The following ANK3 variants were observed in gnomAD, a reference collection of about 807,000 sequenced individuals.
ANK3 encodes ankyrin 3.
ANK3 carries 57 observed loss-of-function variants against 370.9 expected under a neutral mutation model. That is an observed-to-expected ratio of 0.15 (90% CI 0.12 to 0.19). ANK3 has a LOEUF of 0.19. Among genes scored for constraint, ANK3 ranks in the 10% least tolerant of loss-of-function variants. The pLI, the probability that ANK3 is intolerant of heterozygous loss-of-function variation, is 1.00. For synonymous variants in ANK3, 1,929 were observed against 1,946.3 expected, an observed-to-expected ratio of 0.99 and a Z score of 0.23; for missense variants, 4,439 against 5,302.1, an observed-to-expected ratio of 0.84 and a Z score of 5.06.
intron 23 of ANK3, among the ~76,000 whole-genome samples, chr10:60,148,183 A>G (rs1011264679): frequency 6.6e-6 from 1 of 152,180 alleles, no homozygotes; most frequent in Non-Finnish European, 1.5e-5. Flanking sequence ...CTGAAAGAAC[A>G]GCAAACTGCC....
At chr10:60,135,260 C>G (rs1470961147) in intron 24 of ANK3, among the ~76,000 whole-genome samples, 2 of 152,238 alleles carry the variant, frequency 1.3e-5, no homozygotes, top group Non-Finnish European at 2.9e-5. Flanking sequence ...CTTCCAGGAA[C>G]TGAGAGGATG....
At position 60,468,615 on chromosome 10, in the gene ANK3, G is replaced by A. The variant is rs147300051; in HGVS notation, c.96+146571C>T. Among the ~76,000 whole-genome samples the A allele has an allele frequency of 5.8e-3, 874 of 151,948 alleles. 4 individuals are homozygous for A. Among genetic ancestry groups the A allele is most frequent in the Middle Eastern group, 0.01 (3 of 294 alleles). ...CCATGATTACTGATTCATACACAAG[G>A]ATATTCTAGCCTGGTTTCCAGTCCC... On this transcript the variant is annotated intron_variant, in intron 2 of 43. Transcript: ENST00000373827.
intron 2 of ANK3, among the ~76,000 whole-genome samples, chr10:60,499,195 A>G (rs949360956): frequency 1.3e-5 from 2 of 152,200 alleles, no homozygotes; most frequent in Non-Finnish European, 2.9e-5. Flanking sequence ...GCTACTTGAC[A>G]AAAATGCATG....
At chr10:60,101,728 T>C (rs546790971) in intron 28 of ANK3, among the ~76,000 whole-genome samples, 2 of 152,338 alleles carry the variant, frequency 1.3e-5, no homozygotes, top group East Asian at 3.9e-4. Context: ...AAACCACTGA[T>C]ATTTCAGTCC....
At chr10:60,239,434 T>G (rs909746582) in intron 7 of ANK3, among the ~76,000 whole-genome samples, 4 of 151,818 alleles carry the variant, frequency 2.6e-5, no homozygotes, top group African/African-American at 9.7e-5. Context: ...AGATAATAGG[T>G]AGAGTGGCCT....
intron 2 of ANK3, among the ~76,000 whole-genome samples, chr10:60,499,524 A>G (rs947239778): frequency 7.9e-5 from 12 of 152,240 alleles, no homozygotes; most frequent in Non-Finnish European, 1.5e-4. Context: ...CATAACACCA[A>G]TTTCATTTTA....
At chr10:60,581,871 C>T (rs1000767716) in intron 2 of ANK3, among the ~76,000 whole-genome samples, 12 of 151,878 alleles carry the variant, frequency 7.9e-5, no homozygotes, top group Admixed American at 1.3e-4. Flanking sequence ...GGAACCAACC[C>T]AAATGCCCAT....
At chr10:60,243,113 T>C (rs2097496550) in intron 7 of ANK3, among the ~76,000 whole-genome samples, 1 of 152,248 alleles carries the variant, frequency 6.6e-6, no homozygotes, top group Middle Eastern at 3.4e-3. Flanking sequence ...AAGGGCTAGA[T>C]TGCTTAGGTT....
chr10:60,607,865 GA>G (rs1416788560), intron 2 of ANK3, among the ~76,000 whole-genome samples: 1 of 152,198 alleles, frequency 6.6e-6, no homozygotes, highest in Admixed American at 6.5e-5. Flanking sequence ...GTCACAGAGA[GA>G]AGAAGCTTAT....
chr10:60,311,087 TA>T (rs2046245344), intron 1 of ANK3, among the ~76,000 whole-genome samples: 1 of 152,158 alleles, frequency 6.6e-6, no homozygotes, highest in African/African-American at 2.4e-5. Flanking sequence ...ATGCCAGACT[TA>T]GTGGAGAAAA....
intron 1 of ANK3, among the ~76,000 whole-genome samples, chr10:60,715,139 A>C (rs61854544): frequency 1.4e-5 from 1 of 73,546 alleles, no homozygotes; most frequent in East Asian, 4.8e-4. Context: ...CTGTAAACCT[A>C]AAACTGCTCT....
At chr10:60,038,323 G>A (rs1288229414) in intron 43 of ANK3, among the ~76,000 whole-genome samples, 6 of 152,182 alleles carry the variant, frequency 3.9e-5, no homozygotes. Flanking sequence ...CTTGAACCCA[G>A]GAGGCAGAGG....
At chr10:60,638,515 A>G (rs906223867) in intron 1 of ANK3, among the ~76,000 whole-genome samples, 6 of 152,056 alleles carry the variant, frequency 3.9e-5, no homozygotes, top group Non-Finnish European at 7.4e-5. Flanking sequence ...CTAATCAAAA[A>G]TTAGCAGACA....
At chr10:60,564,474 A>G (rs1161727280) in intron 2 of ANK3, among the ~76,000 whole-genome samples, 1 of 152,172 alleles carries the variant, frequency 6.6e-6, no homozygotes, top group African/African-American at 2.4e-5. Context: ...GGTCAATGAA[A>G]CTGCCGTGTG....
intron 7 of ANK3, among the ~76,000 whole-genome samples, chr10:60,247,905 G>A (rs941608591): frequency 1.3e-5 from 2 of 152,156 alleles, no homozygotes; most frequent in Non-Finnish European, 2.9e-5. Context: ...GACCTCAGAT[G>A]ATGTGCCTGC....
intron 31 of ANK3, 62 bp downstream of exon 31, chr10:60,085,095 A>G: frequency 1.5e-6 from 2 of 1,367,868 alleles, no homozygotes; most frequent in Non-Finnish European, 2.0e-6. Flanking sequence ...AACAATTTTT[A>G]CTTTCCAAAA....
At chr10:60,610,971 G>A (rs898893664) in intron 2 of ANK3, among the ~76,000 whole-genome samples, 4 of 152,186 alleles carry the variant, frequency 2.6e-5, no homozygotes, top group East Asian at 1.9e-4. Flanking sequence ...TAGTGGGCTC[G>A]AAGCTGGTGT....
intron 5 of ANK3, among the ~76,000 whole-genome samples, 170 bp from the exon 6 acceptor site, chr10:60,264,190 T>A (rs1471097925): frequency 6.6e-6 from 1 of 152,082 alleles, no homozygotes; most frequent in Admixed American, 6.5e-5. Flanking sequence ...TCAAAAAAAA[T>A]TTATCTATAC....
chr10:60,119,507 C>G (rs2093333298), intron 25 of ANK3, among the ~76,000 whole-genome samples: 1 of 152,152 alleles, frequency 6.6e-6, no homozygotes. Context: ...TGGCTCATGC[C>G]TATAATCCCA....
Sources: gnomAD v4.1 joint callset for allele counts (sites outside exome capture counted in the v4.1 genomes callset) on GRCh38, gnomAD v4.1.1 for gene constraint, MANE v1.5 for transcripts, NCBI Gene and HGNC (gene_info 2026-07-23, HGNC 2026-07-21) for gene names.